METTL15: variants seen among roughly 807,000 people sequenced by gnomAD.
METTL15 encodes methyltransferase 15, mitochondrial 12S rRNA N4-cytidine.
A neutral mutation model predicts 38.3 loss-of-function variants in METTL15; 34 were observed. The ratio of observed to expected loss-of-function variants is 0.89; its 90% CI spans 0.68 to 1.18. The LOEUF (loss-of-function observed/expected upper bound fraction) is 1.18. Ranked by LOEUF, METTL15 falls within the 50% of genes most tolerant of loss-of-function variation. The pLI, the probability that METTL15 is intolerant of heterozygous loss-of-function variation, is 0.00. For missense variants in METTL15, 438 were observed against 498.4 expected (o/e 0.88, Z 1.15); for synonymous variants, 162 against 170.9 (o/e 0.95, Z 0.41).
intron 2 of METTL15, 39 bp from the exon 3 acceptor site, chr11:28,113,278 TA>T: frequency 2.2e-6 from 3 of 1,356,290 alleles, no homozygotes; most frequent in Non-Finnish European, 3.0e-6. Flanking sequence ...AACATTCTTT[TA>T]AAAAAATCCA....
At chr11:28,204,463 T>TG (rs1852237215) in intron 3 of METTL15, among the ~76,000 whole-genome samples, 1 of 96,886 alleles carries the variant, frequency 1.0e-5, no homozygotes, top group Non-Finnish European at 2.0e-5. Flanking sequence ...TTTTTTTTTG[T>TG]AAAAAGGGAT....
At chr11:28,397,728 C>T (rs954420152) in intron 5 of METTL15, among the ~76,000 whole-genome samples, 1 of 152,064 alleles carries the variant, frequency 6.6e-6, no homozygotes, top group South Asian at 2.1e-4. Context: ...ACCCAGCCAT[C>T]CTATTACTGA....
At chr11:28,389,265 T>TA (rs1256258174) in intron 5 of METTL15, among the ~76,000 whole-genome samples, 83 of 151,212 alleles carry the variant, frequency 5.5e-4, no homozygotes, top group Non-Finnish European at 5.2e-4. Flanking sequence ...AGTTTTACGG[T>TA]ACATGTGCAC....
chr11:28,313,207 G>A (rs1468055755), intron 6 of METTL15, among the ~76,000 whole-genome samples: 1 of 151,964 alleles, frequency 6.6e-6, no homozygotes, highest in Admixed American at 6.6e-5. Flanking sequence ...TAAGATTATT[G>A]TAATGATTAG....
rs185066046 is a variant in METTL15 at position 28,330,807 on chromosome 11, G to T, written c.1190G>T (p.Arg397Leu). The T allele has an allele frequency of 1.9e-6, 3 of 1,550,446 alleles. No individual in the cohort carries two copies. Among genetic ancestry groups the T allele is most frequent in the East Asian group, 4.9e-5 (2 of 40,918 alleles). ...GATGTACAAGATAACCCCAGAGGGC[G>T]CTCAGCCAAGCTTAGAGCAGCTATC... ...DQDVQDNPRG[R>L]SAKLRAAIKL Residue 397 changes from arginine (R) to leucine (L), a missense_variant, in exon 7 of 7, where the codon CGC becomes CTC. Transcript: ENST00000407364.
chr11:28,395,998 C>T (rs1487480850), intron 5 of METTL15, among the ~76,000 whole-genome samples: 3 of 152,168 alleles, frequency 2.0e-5, no homozygotes, highest in African/African-American at 4.8e-5. Flanking sequence ...ACAAAAACCA[C>T]ATGGTTGTCT....
intron 6 of METTL15, among the ~76,000 whole-genome samples, chr11:28,502,921 A>G (rs1480117363): frequency 6.6e-6 from 1 of 152,248 alleles, no homozygotes; most frequent in Non-Finnish European, 1.5e-5. Context: ...AATGATAATG[A>G]TAAAATAATA....
intron 6 of METTL15, among the ~76,000 whole-genome samples, chr11:28,330,143 A>G (rs948412776): frequency 6.6e-6 from 1 of 152,046 alleles, no homozygotes; most frequent in African/African-American, 2.4e-5. Flanking sequence ...TATGTCCACC[A>G]TTTCTCTTTC....
intron 4 of METTL15, among the ~76,000 whole-genome samples, chr11:28,281,769 A>T (rs778858741): frequency 6.6e-6 from 1 of 152,118 alleles, no homozygotes; most frequent in Non-Finnish European, 1.5e-5. Context: ...GTTTGTTTTT[A>T]TAGTTGAGCA....
chr11:28,216,787 A>T (rs1303019310), intron 4 of METTL15, among the ~76,000 whole-genome samples: 2 of 138,598 alleles, frequency 1.4e-5, no homozygotes, highest in Non-Finnish European at 3.0e-5. Context: ...GTTCAACTCC[A>T]ACCTATGAGT....
intron 4 of METTL15, among the ~76,000 whole-genome samples, chr11:28,271,628 A>G (rs1284455408): frequency 6.6e-6 from 1 of 152,220 alleles, no homozygotes; most frequent in Non-Finnish European, 1.5e-5. Context: ...AAATCAATCA[A>G]TAGACTTTTT....
Position 28,250,831 on chromosome 11 carries a change from T to C in METTL15, c.408-39375T>C, listed in dbSNP as rs754725327. ...TTGTCAGTAACATTCAAAACTTTGC[T>C]ATTTCTGCATCACTAATAAAATATA... is the stretch of plus-strand genomic sequence containing the variant. On this transcript the variant is annotated intron_variant, in intron 4 of 6. Coordinates refer to ENST00000407364, the MANE Select transcript of METTL15 (RefSeq NM_001113528.2). Among the ~76,000 whole-genome samples the C allele has an allele frequency of 3.4e-4, 52 of 152,190 alleles. 1 individual carries two copies. The highest frequency in any genetic ancestry group is 1.9e-4 in the East Asian group (1 of 5,178).
At chr11:28,419,829 A>G (rs1376543415) in intron 5 of METTL15, among the ~76,000 whole-genome samples, 1 of 152,202 alleles carries the variant, frequency 6.6e-6, no homozygotes, top group Non-Finnish European at 1.5e-5. Flanking sequence ...TGAAATAATT[A>G]AAAGGAATCA....
chr11:28,143,003 TA>T (rs1849751546), intron 3 of METTL15, among the ~76,000 whole-genome samples: 1 of 151,984 alleles, frequency 6.6e-6, no homozygotes, highest in South Asian at 2.1e-4. Context: ...GAATATAAAA[TA>T]AACAGAATCT....
At chr11:28,221,053 C>G (rs181240806) in intron 4 of METTL15, among the ~76,000 whole-genome samples, 1 of 152,212 alleles carries the variant, frequency 6.6e-6, no homozygotes, top group Non-Finnish European at 1.5e-5. Flanking sequence ...AGTTGCTATT[C>G]TCGTGGAGTA....
At chr11:28,515,029 A>G (rs568882105) in intron 6 of METTL15, among the ~76,000 whole-genome samples, 3 of 152,356 alleles carry the variant, frequency 2.0e-5, no homozygotes, top group South Asian at 2.1e-4. Flanking sequence ...TACATTAAGT[A>G]TGGCTACTAC....
intron 4 of METTL15, among the ~76,000 whole-genome samples, chr11:28,231,175 C>G (rs946265523): frequency 1.3e-5 from 2 of 151,754 alleles, no homozygotes; most frequent in Admixed American, 1.3e-4. Flanking sequence ...CAACATAATG[C>G]CTTCTTACTT....
chr11:28,421,893 C>A (rs1228549927), intron 5 of METTL15, among the ~76,000 whole-genome samples: 1 of 151,930 alleles, frequency 6.6e-6, no homozygotes, highest in East Asian at 1.9e-4. Context: ...AGGAATAAGT[C>A]CAGTTATCCT....
At chr11:28,484,157 G>A (rs183859299) in intron 6 of METTL15, among the ~76,000 whole-genome samples, 150 of 152,190 alleles carry the variant, frequency 9.9e-4, no homozygotes, top group African/African-American at 1.9e-3. Context: ...CTCTAAATCT[G>A]GAATTATTCT....
Sources: allele counts gnomAD v4.1 joint callset (sites outside exome capture counted in the v4.1 genomes callset), GRCh38; gene constraint gnomAD v4.1.1; transcripts MANE v1.5; gene names NCBI Gene and HGNC (gene_info 2026-07-23, HGNC 2026-07-21).